Variants in RELN observed in about 807,000 individuals in gnomAD.
RELN encodes reelin.
RELN carries 108 observed loss-of-function variants against 427.6 expected under a neutral mutation model. The observed-to-expected ratio is 0.25, with a 90% CI of 0.22 to 0.30. The LOEUF (loss-of-function observed/expected upper bound fraction) is 0.30, where lower values mean the gene tolerates loss of function less well. RELN is among the 10% of genes least tolerant of loss of function. The pLI is 1.00. For synonymous variants in RELN, 1,524 were observed against 1,513.4 expected, an observed-to-expected ratio of 1.01 and a Z score of -0.16; for missense variants, 3,715 against 4,302.8, an observed-to-expected ratio of 0.86 and a Z score of 3.82.
intron 6 of RELN, among the ~76,000 whole-genome samples, chr7:103,729,100 C>T (rs1053258979): frequency 1.3e-5 from 2 of 152,294 alleles, no homozygotes; most frequent in Non-Finnish European, 1.5e-5. Context: ...TTTCAACCTA[C>T]AATCATTACA....
At chr7:103,688,932 G>T (rs563237860) in intron 10 of RELN, among the ~76,000 whole-genome samples, 15 of 151,980 alleles carry the variant, frequency 9.9e-5, no homozygotes, top group Non-Finnish European at 1.9e-4. Context: ...TTTATTATTG[G>T]ATATTTATCA....
chr7:103,603,978 T>G lies in RELN; in HGVS notation c.3146+368A>C, dbSNP rs1203448368. Reference sequence around the variant, plus strand: ...TAGCAATAATCACCATCTCCCCATGTATACAACCTTGAACTTCTGGTGAAG... The same window carrying G: ...TAGCAATAATCACCATCTCCCCATGGATACAACCTTGAACTTCTGGTGAAG... On this transcript the variant is annotated intron_variant, in intron 23 of 64. Transcript: ENST00000428762. This position sits in a 1 kb window ranked among gnomAD's most constrained non-coding sequence, Gnocchi z 4.3. Among the ~76,000 whole-genome samples, 1 of 152,162 alleles carries G rather than the reference T, an allele frequency of 6.6e-6. No individual in the cohort carries two copies. The highest frequency in any genetic ancestry group is 1.5e-5 in the Non-Finnish European group (1 of 68,034).
intron 3 of RELN, among the ~76,000 whole-genome samples, chr7:103,815,949 T>A (rs1792858358): frequency 6.6e-6 from 1 of 152,222 alleles, no homozygotes; most frequent in African/African-American, 2.4e-5. Context: ...AGTTCAATCA[T>A]GTACAATATC....
At chr7:103,701,757 C>T (rs1253098005) in intron 8 of RELN, among the ~76,000 whole-genome samples, 1 of 152,084 alleles carries the variant, frequency 6.6e-6, no homozygotes, top group Non-Finnish European at 1.5e-5. Context: ...AGCCCTGAAA[C>T]ATTTGCCAGA....
chr7:103,496,398 TA>T, intron 56 of RELN, 127 bp downstream of exon 56: 1 of 1,294,828 alleles, frequency 7.7e-7, no homozygotes, highest in Non-Finnish European at 1.1e-6. Flanking sequence ...AAATAACAGC[TA>T]ACATTTGTTG....
At chr7:103,511,474 A>T (rs6972451) in intron 50 of RELN, among the ~76,000 whole-genome samples, 1,690 of 152,272 alleles carry the variant, frequency 0.011, 35 homozygotes, top group African/African-American at 0.038. Flanking sequence ...GAATAGAGTT[A>T]ACTACTACTC....
rs144751365 is a variant in RELN at position 103,952,518 on chromosome 7, A to AACACAC, written c.227-35339_227-35334dup. 8.9e-3 allele frequency among the ~76,000 whole-genome samples: 1,325 copies of AACACAC among 148,344 alleles called. 12 individuals are homozygous for AACACAC. The highest frequency in any genetic ancestry group is 0.031 in the African/African-American group (1,197 of 38,392). On this transcript the variant is annotated intron_variant, in intron 1 of 64. Coordinates refer to ENST00000428762, the MANE Select transcript of RELN (RefSeq NM_005045.4). Reference sequence around the variant, plus strand: ...TTTATAAACCTTGCTTTAAACCTTAAACACACACACACACATACATACATA... The same window carrying AACACAC: ...TTTATAAACCTTGCTTTAAACCTTAAACACACACACACACACACACATACATACATA...
At chr7:103,857,222 C>G (rs1337286110) in intron 2 of RELN, among the ~76,000 whole-genome samples, 2 of 152,184 alleles carry the variant, frequency 1.3e-5, no homozygotes, top group Non-Finnish European at 2.9e-5. Flanking sequence ...ATCAAGATCT[C>G]TTTCTAAAGA....
chr7:103,597,188 A>T (rs1241561586), intron 24 of RELN, among the ~76,000 whole-genome samples: 1 of 152,228 alleles, frequency 6.6e-6, no homozygotes, highest in Non-Finnish European at 1.5e-5. Context: ...GTTGCATGGA[A>T]CTTGCTAGTA....
intron 20 of RELN, among the ~76,000 whole-genome samples, chr7:103,623,266 C>G (rs1461111784): frequency 6.6e-6 from 1 of 152,208 alleles, no homozygotes; most frequent in Non-Finnish European, 1.5e-5. Flanking sequence ...CCCGGACTGA[C>G]TTCCTTCAGC....
intron 6 of RELN, among the ~76,000 whole-genome samples, chr7:103,739,483 G>A (rs1790584224): frequency 6.6e-6 from 1 of 152,104 alleles, no homozygotes; most frequent in Non-Finnish European, 1.5e-5. Flanking sequence ...TAACAGCACT[G>A]GTAAAGTGGT....
intron 28 of RELN, among the ~76,000 whole-genome samples, chr7:103,582,742 C>T (rs989901460): frequency 1.3e-5 from 2 of 152,084 alleles, no homozygotes. Context: ...TGAAAGATGC[C>T]ACAAACAGAA....
rs558074606 is a variant in RELN, at chr7:103,986,498, T to C, written c.226+2633A>G. Among the ~76,000 whole-genome samples the C allele has an allele frequency of 1.2e-4, 19 of 152,204 alleles. No individual in the cohort carries two copies. The East Asian group carries it at 1.9e-3, about 15-fold the overall frequency. On this transcript the variant is annotated intron_variant, in intron 1 of 64. Transcript: ENST00000428762. Reference sequence around the variant, plus strand: ...AACCACTTTTATTCTAGACTGGCAATTGCTGCCCCATTTTACATTCTGAGC... The same window carrying C: ...AACCACTTTTATTCTAGACTGGCAACTGCTGCCCCATTTTACATTCTGAGC...
chr7:103,649,594 C>A (rs1648018426), intron 16 of RELN, among the ~76,000 whole-genome samples: 1 of 151,830 alleles, frequency 6.6e-6, no homozygotes, highest in Admixed American at 6.6e-5. Flanking sequence ...AATAGAAAGA[C>A]AAAAACCAAA....
At chr7:103,887,682 C>T (rs1794755087) in intron 2 of RELN, among the ~76,000 whole-genome samples, 1 of 151,972 alleles carries the variant, frequency 6.6e-6, no homozygotes, top group Non-Finnish European at 1.5e-5. Flanking sequence ...GAGATCAACA[C>T]AGTCTAGAAA....
At chr7:103,750,883 G>T (rs1465536678) in intron 5 of RELN, among the ~76,000 whole-genome samples, 5 of 152,140 alleles carry the variant, frequency 3.3e-5, no homozygotes, top group Non-Finnish European at 7.3e-5. Context: ...GAGGTATATT[G>T]AATACCTATT....
intron 33 of RELN, among the ~76,000 whole-genome samples, chr7:103,565,977 A>ATT (rs5886261): frequency 1.1e-4 from 16 of 151,926 alleles, no homozygotes; most frequent in Admixed American, 7.2e-4. Flanking sequence ...CCTCTCATAG[A>ATT]TTTTTTTGCT....
chr7:103,825,284 G>A (rs1793108158), intron 3 of RELN, among the ~76,000 whole-genome samples: 1 of 151,958 alleles, frequency 6.6e-6, no homozygotes, highest in East Asian at 1.9e-4. Flanking sequence ...CCAGGCATGG[G>A]GCAGACAGAG....
intron 10 of RELN, among the ~76,000 whole-genome samples, chr7:103,696,540 G>C (rs1833979540): frequency 6.6e-6 from 1 of 152,062 alleles, no homozygotes; most frequent in Non-Finnish European, 1.5e-5. Context: ...AACAGCACCT[G>C]TCCATCCAGC....
Sources: allele counts gnomAD v4.1 joint callset (sites outside exome capture counted in the v4.1 genomes callset), GRCh38; gene constraint gnomAD v4.1.1; non-coding constraint Gnocchi (gnomAD v3.1); transcripts MANE v1.5; gene names NCBI Gene and HGNC (gene_info 2026-07-23, HGNC 2026-07-21).